Variants in DLGAP2 observed in about 807,000 individuals in gnomAD.
DLGAP2 encodes disks large-associated protein 2.
Under a neutral mutation model 100.3 loss-of-function variants are expected in DLGAP2, and 26 were observed. The ratio of observed to expected loss-of-function variants is 0.26; its 90% CI spans 0.19 to 0.36. The LOEUF is 0.36. Ranked by LOEUF, DLGAP2 falls within the 10% of genes least tolerant of loss-of-function variation. The probability of loss-of-function intolerance (pLI) is 1.00; values close to 1 mark genes in which losing one functional copy is unlikely to be tolerated. For synonymous variants in DLGAP2, 886 were observed against 630.1 expected, an observed-to-expected ratio of 1.41 and a Z score of -6.08; for missense variants, 1,858 against 1,453.2, an observed-to-expected ratio of 1.28 and a Z score of -4.53.
intron 6 of DLGAP2, among the ~76,000 whole-genome samples, chr8:1,568,933 A>AT (rs1802540122): frequency 1.5e-5 from 1 of 67,734 alleles, no homozygotes; most frequent in Non-Finnish European, 2.8e-5. Context: ...ACACAAATCC[A>AT]CTCTGCCCGT....
At chr8:1,641,183 C>T (rs1797889925) in intron 8 of DLGAP2, among the ~76,000 whole-genome samples, 2 of 152,180 alleles carry the variant, frequency 1.3e-5, no homozygotes, top group African/African-American at 4.8e-5. Context: ...CTAGAACAGA[C>T]ATGACAGACG....
Position 1,410,772 on chromosome 8 carries a change from A to G in DLGAP2, c.107-90594A>G, listed in dbSNP as rs75243463. 3.5e-3 allele frequency among the ~76,000 whole-genome samples: 533 copies of G among 151,658 alleles called. 10 individuals are homozygous for G. In the East Asian group the frequency reaches 0.047, roughly 13 times the overall value. On this transcript the variant is annotated intron_variant, in intron 3 of 14. Coordinates refer to ENST00000637795, the MANE Select transcript of DLGAP2 (RefSeq NM_001346810.2). ...TTGGAACCTGGTTTTCTTGTTCAGGAATTTTCCCAGATTATGGCCACCTTT... is the reference window on the plus strand; with the variant it reads ...TTGGAACCTGGTTTTCTTGTTCAGGGATTTTCCCAGATTATGGCCACCTTT...
At chr8:1,429,631 G>A (rs1173775224) in intron 3 of DLGAP2, among the ~76,000 whole-genome samples, 1 of 151,910 alleles carries the variant, frequency 6.6e-6, no homozygotes, top group Non-Finnish European at 1.5e-5. Flanking sequence ...GAGAGGAGGG[G>A]AGAAATATGT....
At chr8:1,062,417 C>G (rs371054822) in intron 2 of DLGAP2, among the ~76,000 whole-genome samples, 1 of 152,030 alleles carries the variant, frequency 6.6e-6, no homozygotes, top group Admixed American at 6.5e-5. Context: ...GTGTAGGTCT[C>G]CCCGTCCACC....
chr8:947,905 C>G (rs1360631684), intron 2 of DLGAP2, among the ~76,000 whole-genome samples: 1 of 150,060 alleles, frequency 6.7e-6, no homozygotes, highest in Non-Finnish European at 1.5e-5. Flanking sequence ...CATGGCCCCA[C>G]CGAACCCGTG....
chr8:867,575 C>T (rs372396343), intron 1 of DLGAP2, among the ~76,000 whole-genome samples: 29 of 152,176 alleles, frequency 1.9e-4, no homozygotes, highest in African/African-American at 6.8e-4. Context: ...TGGTAGCACG[C>T]TCTAGGGACA....
chr8:1,470,508 TAA>T (rs1202385343), intron 3 of DLGAP2, among the ~76,000 whole-genome samples: 1 of 152,110 alleles, frequency 6.6e-6, no homozygotes, highest in Admixed American at 6.5e-5. Flanking sequence ...CAGAATCGTT[TAA>T]ATACAACAAA....
intron 2 of DLGAP2, among the ~76,000 whole-genome samples, chr8:1,143,927 G>A (rs746709545): frequency 6.6e-6 from 1 of 152,226 alleles, no homozygotes; most frequent in African/African-American, 2.4e-5. Flanking sequence ...CTAGATGCAC[G>A]TGTGTTATTT....
chr8:1,704,853 G>A lies in DLGAP2; in HGVS notation c.*3447G>A, dbSNP rs1211594568. 2 of 152,100 alleles carry A rather than the reference G, an allele frequency of 1.3e-5. No homozygotes were observed. The highest frequency in any genetic ancestry group is 2.9e-5 in the Non-Finnish European group (2 of 68,024). 9.4% of individuals were successfully genotyped at this position (152,100 alleles called of 1,614,324 possible). ...TGCTGCTTCTTATGAAAGTGGCCAG[G>A]TTTATTATTAGAAGACACAGTGGCA... On this transcript the variant is annotated 3_prime_UTR_variant, in exon 15 of 15. Coordinates refer to ENST00000637795, the MANE Select transcript of DLGAP2 (RefSeq NM_001346810.2).
chr8:1,639,663 TCA>T (rs1563273587), intron 8 of DLGAP2, among the ~76,000 whole-genome samples: 2 of 152,216 alleles, frequency 1.3e-5, no homozygotes, highest in Non-Finnish European at 2.9e-5. Flanking sequence ...ATGTGCCGTC[TCA>T]CAGTCACAGA....
At chr8:1,662,497 G>A (rs1798430983) in intron 8 of DLGAP2, among the ~76,000 whole-genome samples, 1 of 152,176 alleles carries the variant, frequency 6.6e-6, no homozygotes, top group Non-Finnish European at 1.5e-5. Flanking sequence ...GAAAACACTA[G>A]ATCAGGTCAT....
chr8:999,142 T>C (rs1462235702), intron 2 of DLGAP2, among the ~76,000 whole-genome samples: 1 of 152,104 alleles, frequency 6.6e-6, no homozygotes, highest in Non-Finnish European at 1.5e-5. Flanking sequence ...TTTGTTATTC[T>C]GCACAAAGTT....
intron 13 of DLGAP2, 132 bp from the exon 14 acceptor site, chr8:1,697,015 G>C (rs1224303690): frequency 1.0e-6 from 1 of 973,350 alleles, no homozygotes; most frequent in Non-Finnish European, 1.4e-6. Flanking sequence ...CCAAGTATCT[G>C]CCTCAGGCTG....
At chr8:1,627,903 G>A (rs550113919) in intron 7 of DLGAP2, among the ~76,000 whole-genome samples, 1 of 150,564 alleles carries the variant, frequency 6.6e-6, no homozygotes, top group Non-Finnish European at 1.5e-5. Context: ...AGCTTGAGCC[G>A]ACCTCACATT....
chr8:1,121,021 C>T (rs1355528802), intron 2 of DLGAP2, among the ~76,000 whole-genome samples: 1 of 151,392 alleles, frequency 6.6e-6, no homozygotes, highest in Non-Finnish European at 1.5e-5. Flanking sequence ...CTTTAGAACC[C>T]CTGGCCACGC....
intron 4 of DLGAP2, among the ~76,000 whole-genome samples, chr8:1,545,052 C>A (rs1016720992): frequency 2.0e-5 from 3 of 152,054 alleles, no homozygotes; most frequent in Non-Finnish European, 4.4e-5. Flanking sequence ...CTTTTTGCAT[C>A]TCTATTTATA....
intron 6 of DLGAP2, among the ~76,000 whole-genome samples, chr8:1,582,425 A>G (rs1308907011): frequency 4.6e-5 from 7 of 152,122 alleles, no homozygotes; most frequent in Non-Finnish European, 1.5e-5. Context: ...CCGTAAAGTG[A>G]CATACTTAAA....
chr8:1,619,754 G>T (rs2957090), intron 6 of DLGAP2: 3 of 152,148 alleles, frequency 2.0e-5, no homozygotes, highest in Admixed American at 6.5e-5. Flanking sequence ...CTCATTGTAC[G>T]TTGCATAGAT....
intron 3 of DLGAP2, among the ~76,000 whole-genome samples, chr8:1,328,265 C>G (rs1271881712): frequency 2.0e-5 from 3 of 151,980 alleles, no homozygotes; most frequent in Admixed American, 6.6e-5. Flanking sequence ...TGGTCTCAAA[C>G]TCCTGACCTC....
Sources: gnomAD v4.1 joint callset for allele counts (sites outside exome capture counted in the v4.1 genomes callset) on GRCh38, gnomAD v4.1.1 for gene constraint, MANE v1.5 for transcripts, NCBI Gene and HGNC (gene_info 2026-07-23, HGNC 2026-07-21) for gene names.